The following ZNF444 variants were observed in gnomAD, a reference collection of about 807,000 sequenced individuals.
ZNF444 encodes the protein zinc finger protein 444.
ZNF444 carries 8 observed loss-of-function variants against 14.4 expected under a neutral mutation model. The ratio of observed to expected loss-of-function variants is 0.56; its 90% CI spans 0.33 to 1.00. ZNF444 has a LOEUF of 1.00. Among genes scored for constraint, ZNF444 ranks in the 50% least tolerant of loss-of-function variants. ZNF444 has a pLI of 0.03. For synonymous variants in ZNF444, 258 were observed against 235.9 expected (o/e 1.09, Z -0.86); for missense variants, 510 against 504.8 (o/e 1.01, Z -0.10).
chr19:56,136,210 C>T (rs2030608189), intron 1 of ZNF444, among the ~76,000 whole-genome samples: 1 of 151,976 alleles, frequency 6.6e-6, no homozygotes, highest in East Asian at 1.9e-4. Flanking sequence ...CAAGTGAAGA[C>T]GCCGATGAGC....
At chr19:56,156,739 A>G (rs1018901169) in intron 3 of ZNF444, 2 of 152,284 alleles carry the variant, frequency 1.3e-5, no homozygotes, top group South Asian at 2.1e-4. Flanking sequence ...ACAGAGCCCA[A>G]TGTATACGTA....
rs559693100 is a variant in ZNF444 at position 56,144,567 on chromosome 19, C to T, written c.-196-1680C>T. ...GAGTAGGCATACACGGGTCTTGTGG[C>T]AGCCGTCCCAGCAATGAGATGACGT... On this transcript the variant is annotated intron_variant, in intron 1 of 4. Coordinates refer to ENST00000337080, the MANE Select transcript of ZNF444 (RefSeq NM_018337.4). The surrounding 1 kb of genome is among the most constrained non-coding windows in gnomAD (Gnocchi z 4.0). Among the ~76,000 whole-genome samples the T allele has an allele frequency of 6.6e-6, 1 of 152,232 alleles. No homozygotes were observed. The highest frequency in any genetic ancestry group is 2.1e-4 in the South Asian group (1 of 4,820).
At chr19:56,138,689 G>C (rs556581548), upstream of ZNF444, among the ~76,000 whole-genome samples, 5 of 152,124 alleles carry the variant, frequency 3.3e-5, no homozygotes, top group South Asian at 1.0e-3. Context: ...GAGCTCGGGG[G>C]AGAGAGGAAT....
At chr19:56,132,972 C>G (rs1433203322) in intron 1 of ZNF444, among the ~76,000 whole-genome samples, 1 of 118,044 alleles carries the variant, frequency 8.5e-6, no homozygotes, top group Non-Finnish European at 1.7e-5. Flanking sequence ...GAGTCTCACA[C>G]TGTTGCCCAG....
intron 4 of ZNF444, 68 bp from the exon 5 acceptor site, chr19:56,159,556 C>T (rs572807095): frequency 2.2e-6 from 3 of 1,354,386 alleles, no homozygotes; most frequent in East Asian, 2.7e-5. Context: ...CCTGCCTCCA[C>T]CCCAGCCTGT....
At chr19:56,149,311 C>T (rs1288789914) in intron 3 of ZNF444, among the ~76,000 whole-genome samples, 8 of 116,894 alleles carry the variant, frequency 6.8e-5, no homozygotes, top group African/African-American at 2.6e-4. Flanking sequence ...TTGACCTCTG[C>T]TTCCATCCCC....
intron 3 of ZNF444, among the ~76,000 whole-genome samples, chr19:56,149,517 A>T (rs749875828): frequency 2.8e-4 from 43 of 152,172 alleles, no homozygotes; most frequent in Non-Finnish European, 6.0e-4. Context: ...TCTGGGATAC[A>T]TGTGCTGAAC....
rs369718291 is a variant in ZNF444 at position 56,159,591 on chromosome 19, C to T, written c.407-33C>T. On this transcript the variant is annotated intron_variant, in intron 4 of 4. Coordinates refer to ENST00000337080, the MANE Select transcript of ZNF444 (RefSeq NM_018337.4). ...TGCTGTCCTTGCCCCGCCCTCGTGC[C>T]GACCCAGATGCTGACTCTCTTTCTT... 1.5e-4 allele frequency: 209 copies of T among 1,418,936 alleles called. No individual in the cohort carries two copies. In the African/African-American group the frequency reaches 2.7e-3, roughly 18 times the overall value. 87.9% of individuals were successfully genotyped at this position (1,418,936 alleles called of 1,614,324 possible). A position where few individuals can be genotyped will look rare whatever the true frequency, so the allele number is the denominator to read the frequency against.
upstream of ZNF444, among the ~76,000 whole-genome samples, chr19:56,138,121 A>G (rs2030653021): frequency 2.0e-5 from 3 of 152,038 alleles, no homozygotes; most frequent in Admixed American, 2.0e-4. Flanking sequence ...GGAAAACTCC[A>G]TCTTAAAAAA....
chr19:56,157,755 C>G (rs2031998804), intron 3 of ZNF444: 2 of 152,206 alleles, frequency 1.3e-5, no homozygotes, highest in South Asian at 4.1e-4. Flanking sequence ...ACGTACTCCT[C>G]TGGCCAAAAA....
chr19:56,160,117 C>T lies in ZNF444; in HGVS notation c.900C>T (p.His300=), dbSNP rs1238412314. ...REHVLRHQRI[H]GRAAASAQGA... ...ACGTGCTGCGCCACCAGCGCATCCA[C>T]GGCCGGGCAGCGGCCAGCGCGCAGG... is the stretch of plus-strand genomic sequence containing the variant. The change falls in exon 5 of 5, where the codon CAC becomes CAT. Residue 300 remains histidine, a synonymous_variant. Coordinates refer to ENST00000337080, the MANE Select transcript of ZNF444 (RefSeq NM_018337.4). 7.4e-6 allele frequency: 11 copies of T among 1,489,212 alleles called. No homozygotes were observed. The South Asian group carries it at 8.8e-5, about 12-fold the overall frequency. 92.2% of individuals were successfully genotyped at this position (1,489,212 alleles called of 1,614,324 possible).
At chr19:56,138,230 A>G (rs1451282872), upstream of ZNF444, among the ~76,000 whole-genome samples, 2 of 152,216 alleles carry the variant, frequency 1.3e-5, no homozygotes, top group Non-Finnish European at 2.9e-5. Context: ...CATACACTAC[A>G]ACATGGATTA....
chr19:56,143,847 G>A (rs545357987), intron 1 of ZNF444, among the ~76,000 whole-genome samples: 8 of 152,308 alleles, frequency 5.3e-5, no homozygotes, highest in Non-Finnish European at 7.3e-5. Context: ...GTGCAGCATC[G>A]GAGGGGGTGA....
In ZNF444 at chr19:56,158,516, G is replaced by A. The variant is rs1413785865; in HGVS notation, c.320G>A (p.Gly107Glu). The A allele has an allele frequency of 6.2e-7, 1 of 1,611,100 alleles. No individual in the cohort carries two copies. The highest frequency in any genetic ancestry group is 8.5e-7 in the Non-Finnish European group (1 of 1,178,564). The change falls in exon 4 of 5, where the codon GGG becomes GAG. Residue 107 changes from glycine to glutamate, a missense_variant. Transcript: ENST00000337080. ...CAGGGGCCAGCAGCCTCCCCCGATG[G>A]GTCGTCAGCAACGAGGGTGCCTCAG... is the stretch of plus-strand genomic sequence containing the variant. ...ELWGPAASPDGSSATRVPQDV... is the reference protein window; with the variant it reads ...ELWGPAASPDESSATRVPQDV...
At position 56,145,181 on chromosome 19, in the gene ZNF444, A is replaced by G. The variant is rs144585082; in HGVS notation, c.-196-1066A>G. ...AAGTCAGGACTCCTTTCTGCCTTCA[A>G]AATTACTGAAGACCCTAACATGCTT... On this transcript the variant is annotated intron_variant, in intron 1 of 4. Transcript: ENST00000337080. The surrounding 1 kb of genome is among the most constrained non-coding windows in gnomAD (Gnocchi z 4.3). Among the ~76,000 whole-genome samples, 6 of 152,390 alleles carry G rather than the reference A, an allele frequency of 3.9e-5. No homozygotes were observed. The East Asian group carries it at 1.2e-3, about 29-fold the overall frequency.
rs2031006154 is a variant in ZNF444 at position 56,144,008 on chromosome 19, GA to G, written c.-196-2237del. On this transcript the variant is annotated intron_variant, in intron 1 of 4. Coordinates refer to ENST00000337080, the MANE Select transcript of ZNF444 (RefSeq NM_018337.4). The surrounding 1 kb of genome is among the most constrained non-coding windows in gnomAD (Gnocchi z 4.0). ...TGGTGGGCACTGGCCTTCGGTCCAA[GA>G]AGATAGAAAGTGAGCCAGACCGGGC... is the stretch of plus-strand genomic sequence containing the variant. Among the ~76,000 whole-genome samples the G allele has an allele frequency of 3.3e-5, 5 of 152,294 alleles. No homozygotes were observed. In the South Asian group the frequency reaches 1.0e-3, roughly 32 times the overall value.
At chr19:56,149,058 TCCA>T (rs2031402633) in intron 3 of ZNF444, among the ~76,000 whole-genome samples, 1 of 141,212 alleles carries the variant, frequency 7.1e-6, no homozygotes, top group African/African-American at 2.7e-5. Context: ...GACCTCTGCT[TCCA>T]TCCCCATCAC....
At chr19:56,153,782 A>G (rs1211616462) in intron 3 of ZNF444, among the ~76,000 whole-genome samples, 1 of 152,162 alleles carries the variant, frequency 6.6e-6, no homozygotes, top group Admixed American at 6.5e-5. Context: ...TTGACAGGAA[A>G]TGCCCCAGTC....
intron 2 of ZNF444, 116 bp from the exon 3 acceptor site, chr19:56,146,774 G>A (rs2031210815): frequency 2.3e-6 from 2 of 875,986 alleles, no homozygotes; most frequent in Non-Finnish European, 3.0e-6. Flanking sequence ...GGGAAAGAGC[G>A]AAACTCCGTC....
Sources: allele counts gnomAD v4.1 joint callset (sites outside exome capture counted in the v4.1 genomes callset), GRCh38; gene constraint gnomAD v4.1.1; non-coding constraint Gnocchi (gnomAD v3.1); transcripts MANE v1.5; gene names NCBI Gene and HGNC (gene_info 2026-07-23, HGNC 2026-07-21).